SLC35F4: variants seen among roughly 807,000 people sequenced by gnomAD.
The protein encoded by SLC35F4 is solute carrier family 35 member F4, also known as chromosome 14 open reading frame 36.
In SLC35F4, 24 loss-of-function variants were observed where a neutral mutation model predicts 44.2. The ratio of observed to expected loss-of-function variants is 0.54; its 90% CI spans 0.39 to 0.76. The LOEUF is 0.76. Among genes scored for constraint, SLC35F4 ranks in the 30% least tolerant of loss-of-function variants. The probability of loss-of-function intolerance (pLI) is 0.00; values close to 1 mark genes in which losing one functional copy is unlikely to be tolerated. For missense variants in SLC35F4, 562 were observed against 586.1 expected (o/e 0.96, Z 0.42); for synonymous variants, 238 against 223.6 (o/e 1.06, Z -0.57).
chr14:57,810,345 G>T (rs760194702), intron 1 of SLC35F4, among the ~76,000 whole-genome samples: 1 of 152,332 alleles, frequency 6.6e-6, no homozygotes, highest in South Asian at 2.1e-4. Flanking sequence ...TAATAAGATA[G>T]TACTGTCCTT....
chr14:57,840,428 A>G (rs1199077488), intron 1 of SLC35F4, among the ~76,000 whole-genome samples: 1 of 152,214 alleles, frequency 6.6e-6, no homozygotes, highest in African/African-American at 2.4e-5. Flanking sequence ...TAGAATGAAC[A>G]ACAAGCTTTG....
chr14:57,831,973 C>T (rs570136100), intron 1 of SLC35F4, among the ~76,000 whole-genome samples: 2 of 152,306 alleles, frequency 1.3e-5, no homozygotes, highest in Admixed American at 1.3e-4. Context: ...ACTCTCCAAG[C>T]CAGCAAAGAA....
chr14:57,888,610 C>T (rs140306461), intron 1 of SLC35F4, among the ~76,000 whole-genome samples: 91 of 152,224 alleles, frequency 6.0e-4, no homozygotes, highest in South Asian at 2.3e-3. Flanking sequence ...TTATTACTAT[C>T]ATCATTTTAA....
At chr14:57,724,740 G>T (rs2076162606) in intron 1 of SLC35F4, among the ~76,000 whole-genome samples, 2 of 152,162 alleles carry the variant, frequency 1.3e-5, no homozygotes, top group Admixed American at 1.3e-4. Flanking sequence ...GTTCACAGAT[G>T]GTTCTGCACG....
In SLC35F4 at chr14:57,667,588, G is replaced by A. The variant is rs909747686; in HGVS notation, c.104-73464C>T. 2.7e-5 allele frequency among the ~76,000 whole-genome samples: 4 copies of A among 150,288 alleles called. No homozygotes were observed. The Admixed American group carries it at 2.7e-4, about 10-fold the overall frequency. ...CTATGAGTGAGAACATGCAGTGTTTGGTTTTTTGTCCTTGTGATAGTTTGC... is the reference window on the plus strand; with the variant it reads ...CTATGAGTGAGAACATGCAGTGTTTAGTTTTTTGTCCTTGTGATAGTTTGC... On this transcript the variant is annotated intron_variant, in intron 1 of 7. Transcript: ENST00000556826.
At chr14:57,583,363 C>CTGAT (rs2308163) in intron 3 of SLC35F4, among the ~76,000 whole-genome samples, 93,912 of 151,530 alleles carry the variant, frequency 0.62, 29,577 homozygotes, top group East Asian at 0.87. Context: ...TTTACAACTA[C>CTGAT]TGATTGCCTT....
intron 1 of SLC35F4, among the ~76,000 whole-genome samples, chr14:57,625,873 G>T (rs532429951): frequency 6.6e-6 from 1 of 152,048 alleles, no homozygotes; most frequent in Non-Finnish European, 1.5e-5. Flanking sequence ...ACACACACAC[G>T]TATGTTTATT....
intron 1 of SLC35F4, among the ~76,000 whole-genome samples, chr14:57,698,911 A>C (rs4368101): frequency 0.47 from 71,850 of 151,930 alleles, 17,695 homozygotes; most frequent in African/African-American, 0.63. Flanking sequence ...CAGGTGTGAG[A>C]CACCATGCCT....
chr14:57,706,242 T>A (rs2140383450), intron 1 of SLC35F4, among the ~76,000 whole-genome samples: 1 of 152,322 alleles, frequency 6.6e-6, no homozygotes, highest in Non-Finnish European at 1.5e-5. Flanking sequence ...ATTCAAGTTT[T>A]TGTCAAAAAA....
intron 1 of SLC35F4, among the ~76,000 whole-genome samples, chr14:57,924,198 C>T (rs925060441): frequency 3.3e-5 from 5 of 152,150 alleles, no homozygotes; most frequent in African/African-American, 1.2e-4. Context: ...TCAGGTATGT[C>T]TTCATCAGCA....
intron 1 of SLC35F4, among the ~76,000 whole-genome samples, chr14:57,657,690 C>G (rs1477557900): frequency 6.6e-6 from 1 of 152,092 alleles, no homozygotes; most frequent in East Asian, 1.9e-4. Flanking sequence ...GACTGCAGCC[C>G]CAACTCAGAA....
At chr14:57,781,579 A>G (rs2077621974) in intron 1 of SLC35F4, among the ~76,000 whole-genome samples, 1 of 152,226 alleles carries the variant, frequency 6.6e-6, no homozygotes, top group Non-Finnish European at 1.5e-5. Flanking sequence ...CCAAAGGAAT[A>G]TAAATCATTC....
At chr14:57,587,005 A>G (rs1291732440) in intron 3 of SLC35F4, among the ~76,000 whole-genome samples, 1 of 125,278 alleles carries the variant, frequency 8.0e-6, no homozygotes, top group Non-Finnish European at 1.7e-5. Flanking sequence ...TTATGCAGCC[A>G]ACAAGCTATG....
intron 1 of SLC35F4, among the ~76,000 whole-genome samples, chr14:57,728,166 T>C (rs2076250425): frequency 6.6e-6 from 1 of 152,172 alleles, no homozygotes; most frequent in Non-Finnish European, 1.5e-5. Context: ...ACAGTTTTTG[T>C]CTTGAAATAT....
chr14:57,725,452 A>G (rs2076179079), intron 1 of SLC35F4, among the ~76,000 whole-genome samples: 1 of 152,220 alleles, frequency 6.6e-6, no homozygotes, highest in South Asian at 2.1e-4. Context: ...TGGAATAAAC[A>G]CTTACTCCAG....
rs191860397 is a variant in SLC35F4, at chr14:57,846,582, C to T, written c.103+19141G>A. 1.6e-3 allele frequency among the ~76,000 whole-genome samples: 245 copies of T among 152,256 alleles called. 3 individuals carry two copies. The South Asian group carries it at 0.025, about 16-fold the overall frequency. On this transcript the variant is annotated intron_variant, in intron 1 of 7. Coordinates refer to ENST00000556826, the MANE Select transcript of SLC35F4 (RefSeq NM_001306087.2). ...TCCTGAGAGTCTTTAGTGAATTTTT[C>T]CCTGAAATTCACTTGTATACAGAAC...
At chr14:57,813,179 A>G (rs1882164001) in intron 1 of SLC35F4, among the ~76,000 whole-genome samples, 1 of 152,268 alleles carries the variant, frequency 6.6e-6, no homozygotes, top group South Asian at 2.1e-4. Flanking sequence ...ATTATGCAGT[A>G]GAACCTTTCA....
Position 57,797,822 on chromosome 14 carries a change from T to G in SLC35F4, c.103+67901A>C, listed in dbSNP as rs567430508. On this transcript the variant is annotated intron_variant, in intron 1 of 7. Coordinates refer to ENST00000556826, the MANE Select transcript of SLC35F4 (RefSeq NM_001306087.2). ...TAATAGTTTATATCCTTGCCATATA[T>G]CTTGACAGTATGGGGAAGGTACTTC... 1.4e-4 allele frequency among the ~76,000 whole-genome samples: 21 copies of G among 152,246 alleles called. No homozygotes were observed. In the South Asian group the frequency reaches 4.4e-3, roughly 32 times the overall value.
intron 1 of SLC35F4, among the ~76,000 whole-genome samples, chr14:57,766,730 T>G (rs1260196090): frequency 6.6e-6 from 1 of 152,240 alleles, no homozygotes; most frequent in Non-Finnish European, 1.5e-5. Context: ...ACAGAAGCTC[T>G]AGTCTAACAA....
Sources: gnomAD v4.1 joint callset for allele counts (sites outside exome capture counted in the v4.1 genomes callset) on GRCh38, gnomAD v4.1.1 for gene constraint, MANE v1.5 for transcripts, NCBI Gene and HGNC (gene_info 2026-07-23, HGNC 2026-07-21) for gene names.